RBM25: variants seen among roughly 807,000 people sequenced by gnomAD.
RBM25 encodes RNA-binding protein 25.
RBM25 carries 19 observed loss-of-function variants against 120.7 expected under a neutral mutation model. The ratio of observed to expected loss-of-function variants is 0.16; its 90% CI spans 0.11 to 0.23. RBM25 has a LOEUF of 0.23. RBM25 is among the 10% of genes least tolerant of loss of function. The pLI is 1.00. For missense variants in RBM25, 605 were observed against 1,041.5 expected, an observed-to-expected ratio of 0.58 and a Z score of 5.77; for synonymous variants, 390 against 326.7, an observed-to-expected ratio of 1.19 and a Z score of -2.09.
chr14:73,066,068 A>G (rs1035422674), intron 1 of RBM25, among the ~76,000 whole-genome samples: 5 of 152,270 alleles, frequency 3.3e-5, no homozygotes, highest in Non-Finnish European at 7.4e-5. Context: ...AGTTTATTCA[A>G]CAGGTATGAA....
At chr14:73,080,669 A>T (rs1240053416) in intron 4 of RBM25, among the ~76,000 whole-genome samples, 2 of 152,122 alleles carry the variant, frequency 1.3e-5, no homozygotes, top group African/African-American at 4.8e-5. Context: ...CTTGAGGCCT[A>T]AACTGTTAAA....
intron 13 of RBM25, 119 bp from the exon 14 acceptor site, chr14:73,109,223 A>C: frequency 9.3e-7 from 1 of 1,075,386 alleles, no homozygotes; most frequent in Non-Finnish European, 1.4e-6. Flanking sequence ...ACATTAAGAC[A>C]TTCTTTAACC....
At chr14:73,109,149 A>G (rs1896252357) in intron 13 of RBM25, 193 bp from the exon 14 acceptor site, 1 of 464,082 alleles carries the variant, frequency 2.2e-6, no homozygotes, top group South Asian at 3.4e-5. Context: ...GATAAATGAC[A>G]AGATAATGCT....
rs978395313 is a variant in RBM25, at chr14:73,107,913, G to A, written c.1541+14G>A. The A allele has an allele frequency of 1.3e-6, 2 of 1,543,658 alleles. No homozygotes were observed. The highest frequency in any genetic ancestry group is 1.8e-6 in the Non-Finnish European group (2 of 1,129,696). On this transcript the variant is annotated intron_variant, in intron 13 of 18. Transcript: ENST00000261973. ...CAAATATTACAGGTAAAGAAGGCTT[G>A]TTCTGTGGATTCATACTTGGTTTTT...
rs966396680 is a variant in RBM25, at chr14:73,111,674, A to G, written c.2164A>G (p.Lys722Glu). 1.2e-6 allele frequency: 2 copies of G among 1,614,068 alleles called. No individual in the cohort carries two copies. The highest frequency in any genetic ancestry group is 1.3e-5 in the African/African-American group (1 of 74,934). Residue 722 changes from lysine to glutamate, a missense_variant, in exon 16 of 19, where the codon AAA becomes GAA. Physicochemically the swap from Lys to Glu is moderately conservative, Grantham distance 56. Coordinates refer to ENST00000261973, the MANE Select transcript of RBM25 (RefSeq NM_021239.3). ...TCCCTTGGATTATGGTGAAGATGAT[A>G]AAAATGCAACCAAAGGCACTGTAAA... The part of the protein sequence containing the change: ...LVPLDYGEDD[K>E]NATKGTVNTE...
intron 6 of RBM25, chr14:73,088,499 T>C (rs1015396284): frequency 4.7e-6 from 2 of 425,234 alleles, no homozygotes; most frequent in African/African-American, 4.1e-5. Flanking sequence ...TATTTCAACC[T>C]ACACAATTTT....
intron 2 of RBM25, among the ~76,000 whole-genome samples, chr14:73,074,998 T>A (rs1895381294): frequency 6.6e-6 from 1 of 151,810 alleles, no homozygotes; most frequent in Non-Finnish European, 1.5e-5. Flanking sequence ...TGCCTTTTTT[T>A]TTTTTTTTAA....
chr14:73,076,030 A>G (rs1207060715), intron 2 of RBM25, among the ~76,000 whole-genome samples: 1 of 152,182 alleles, frequency 6.6e-6, no homozygotes, highest in Non-Finnish European at 1.5e-5. Context: ...TTTGAGGATC[A>G]CCGAACCACA....
At position 73,117,225 on chromosome 14, in the gene RBM25, T is replaced by C. The variant is rs1357953600; in HGVS notation, c.2440-2488T>C. On this transcript the variant is annotated intron_variant, in intron 18 of 18. Coordinates refer to ENST00000261973, the MANE Select transcript of RBM25 (RefSeq NM_021239.3). The stretch of plus-strand genomic sequence containing the variant: ...TTCTTCTTTTCTTTTTTTTTTTTTT[T>C]TTTTTTTTTTTTTTTTTTTGAGACA... Among the ~76,000 whole-genome samples, 79 of 94,418 alleles carry C rather than the reference T, an allele frequency of 8.4e-4. 3 individuals carry two copies. The highest frequency in any genetic ancestry group is 2.9e-3 in the African/African-American group (67 of 22,910). 61.9% of individuals were successfully genotyped at this position (94,418 alleles called of 152,430 possible). A position where few individuals can be genotyped will look rare whatever the true frequency, so the allele number is the denominator to read the frequency against.
intron 5 of RBM25, among the ~76,000 whole-genome samples, chr14:73,084,479 A>G (rs770003271): frequency 2.0e-5 from 3 of 152,238 alleles, no homozygotes; most frequent in South Asian, 2.1e-4. Context: ...CCATTAATCT[A>G]TCCTCTGTGT....
At position 73,122,179 on chromosome 14, in the gene RBM25, ATTAAT is replaced by A. The variant is rs1461498273; in HGVS notation, c.*2377_*2381del. ...GGTTAATTTTACCATAATCTCATAA[ATTAAT>A]TTTAGTTTGAAAACCTTATACAGTA... On this transcript the variant is annotated 3_prime_UTR_variant, in exon 19 of 19. Coordinates refer to ENST00000261973, the MANE Select transcript of RBM25 (RefSeq NM_021239.3). 3 of 151,470 alleles carry A rather than the reference ATTAAT, an allele frequency of 2.0e-5. No individual in the cohort carries two copies. Among genetic ancestry groups the A allele is most frequent in the Non-Finnish European group, 3.0e-5 (2 of 67,614 alleles). 9.4% of individuals were successfully genotyped at this position (151,470 alleles called of 1,614,324 possible).
At chr14:73,107,548 C>A in intron 12 of RBM25, 1 of 305,036 alleles carries the variant, frequency 3.3e-6, no homozygotes, top group South Asian at 4.6e-5. Flanking sequence ...ATAAAAACAC[C>A]GTTTCCCAGG....
intron 6 of RBM25, 52 bp downstream of exon 6, chr14:73,088,213 G>A: frequency 6.3e-7 from 1 of 1,595,872 alleles, no homozygotes; most frequent in Non-Finnish European, 8.6e-7. Flanking sequence ...CTATTTCAGT[G>A]TAGTGCTTCT....
chr14:73,079,087 G>A lies in RBM25; in HGVS notation c.324+1551G>A, dbSNP rs756127633. Among the ~76,000 whole-genome samples the A allele has an allele frequency of 1.0e-4, 15 of 147,602 alleles. 1 individual carries two copies. Among genetic ancestry groups the A allele is most frequent in the Non-Finnish European group, 1.5e-4 (10 of 65,462 alleles). ...TACCTTTTTAAGATTTTATCTTGAT[G>A]ATACATGTACATTGTTAAGTGAAAT... On this transcript the variant is annotated intron_variant, in intron 4 of 18. Coordinates refer to ENST00000261973, the MANE Select transcript of RBM25 (RefSeq NM_021239.3).
chr14:73,104,042 C>G (rs1374356712), intron 10 of RBM25, among the ~76,000 whole-genome samples: 4 of 144,896 alleles, frequency 2.8e-5, no homozygotes, highest in Non-Finnish European at 4.5e-5. Context: ...TAATAATTTT[C>G]AACTCTGGTT....
chr14:73,119,359 G>A (rs1473789570), intron 18 of RBM25, among the ~76,000 whole-genome samples: 3 of 151,938 alleles, frequency 2.0e-5, no homozygotes, highest in African/African-American at 7.3e-5. Context: ...TCCGCCTCCT[G>A]GGTTCACGTC....
At chr14:73,088,842 A>C (rs1423255969) in intron 6 of RBM25, among the ~76,000 whole-genome samples, 1 of 152,180 alleles carries the variant, frequency 6.6e-6, no homozygotes, top group East Asian at 1.9e-4. Flanking sequence ...TTATCTTTCA[A>C]AATAGAAATC....
intron 6 of RBM25, among the ~76,000 whole-genome samples, chr14:73,095,983 AATT>A (rs1250482415): frequency 2.0e-5 from 3 of 152,036 alleles, no homozygotes; most frequent in Non-Finnish European, 4.4e-5. Context: ...AGAAAATAAT[AATT>A]ATTATTATTG....
Position 73,121,264 on chromosome 14 carries a change from TGTG to T in RBM25, c.*1462_*1464del. 1 of 152,618 alleles carries T rather than the reference TGTG, an allele frequency of 6.6e-6. No individual in the cohort carries two copies. Among genetic ancestry groups the T allele is most frequent in the Non-Finnish European group, 1.5e-5 (1 of 67,998 alleles). 9.5% of individuals were successfully genotyped at this position (152,618 alleles called of 1,614,324 possible). A position where few individuals can be genotyped will look rare whatever the true frequency, so the allele number is the denominator to read the frequency against. ...CACTGTTCTTACCCTCGAACCCTGA[TGTG>T]GTTCCATTATGTAAATATTTCAAAT... On this transcript the variant is annotated 3_prime_UTR_variant, in exon 19 of 19. Transcript: ENST00000261973.
Sources: gnomAD v4.1 joint callset for allele counts (sites outside exome capture counted in the v4.1 genomes callset) on GRCh38, gnomAD v4.1.1 for gene constraint, MANE v1.5 for transcripts, NCBI Gene and HGNC (gene_info 2026-07-23, HGNC 2026-07-21) for gene names.